Variants in DENND2B observed in about 807,000 individuals in gnomAD.
The protein encoded by DENND2B is DENN domain-containing protein 2B.
A neutral mutation model predicts 116.0 loss-of-function variants in DENND2B; 32 were observed. The observed-to-expected ratio is 0.28, with a 90% CI of 0.21 to 0.37. DENND2B has a LOEUF of 0.37. Among genes scored for constraint, DENND2B ranks in the 10% least tolerant of loss-of-function variants. DENND2B has a pLI of 1.00. For synonymous variants in DENND2B, 588 were observed against 583.9 expected (o/e 1.01, Z -0.10); for missense variants, 1,276 against 1,477.7 (o/e 0.86, Z 2.24).
intron 13 of DENND2B, among the ~76,000 whole-genome samples, chr11:8,704,426 C>T (rs1198312575): frequency 6.6e-6 from 1 of 152,220 alleles, no homozygotes; most frequent in African/African-American, 2.4e-5. Flanking sequence ...AGGGCCAGAC[C>T]ATGAAGAGCT....
chr11:8,772,656 T>C (rs2057093420), intron 1 of DENND2B, among the ~76,000 whole-genome samples: 1 of 151,980 alleles, frequency 6.6e-6, no homozygotes, highest in Non-Finnish European at 1.5e-5. Context: ...AGAAATTAGA[T>C]ATGGGATGGT....
At chr11:8,714,793 C>T in intron 6 of DENND2B, 87 bp from the exon 7 acceptor site, 1 of 1,136,574 alleles carries the variant, frequency 8.8e-7, no homozygotes, top group Non-Finnish European at 1.3e-6. Context: ...CATCCCTGCC[C>T]TTAATGGTAC....
At chr11:8,770,463 G>A (rs1253121015) in intron 1 of DENND2B, among the ~76,000 whole-genome samples, 2 of 152,138 alleles carry the variant, frequency 1.3e-5, no homozygotes, top group Non-Finnish European at 2.9e-5. Context: ...CATATGTAAA[G>A]TGCCTGGAAT....
chr11:8,878,600 G>A (rs1594332085), intron 2 of DENND2B, among the ~76,000 whole-genome samples: 2 of 152,258 alleles, frequency 1.3e-5, no homozygotes, highest in African/African-American at 4.8e-5. Context: ...TGTTGGCCAA[G>A]CTGGTCTTGA....
At chr11:8,851,785 G>A (rs1191157622) in intron 3 of DENND2B, among the ~76,000 whole-genome samples, 1 of 152,088 alleles carries the variant, frequency 6.6e-6, no homozygotes, top group East Asian at 1.9e-4. Context: ...AGTATTTTGT[G>A]AATATTTTTT....
At chr11:8,713,906 G>C (rs1317814250) in intron 8 of DENND2B, 92 bp downstream of exon 8, 1 of 1,411,016 alleles carries the variant, frequency 7.1e-7, no homozygotes, top group Non-Finnish European at 1.0e-6. Flanking sequence ...GGCCGGTTAG[G>C]GACACTGGAA....
chr11:8,734,813 A>G (rs1305185274), intron 2 of DENND2B, among the ~76,000 whole-genome samples: 1 of 145,056 alleles, frequency 6.9e-6, no homozygotes, highest in Non-Finnish European at 1.5e-5. Flanking sequence ...AAAAAAAAAG[A>G]AAGATCACAT....
chr11:8,744,027 G>A (rs1343501694), intron 2 of DENND2B, among the ~76,000 whole-genome samples: 1 of 152,000 alleles, frequency 6.6e-6, no homozygotes, highest in Non-Finnish European at 1.5e-5. Context: ...TGCATTACAG[G>A]TATGAGCTAC....
intron 1 of DENND2B, chr11:8,774,038 C>G (rs2057300161): frequency 1.1e-6 from 1 of 921,808 alleles, no homozygotes; most frequent in Admixed American, 6.2e-5. Flanking sequence ...CTTCAGTTTT[C>G]TCATCTGTAA....
At chr11:8,721,993 A>G (rs1176971552) in intron 4 of DENND2B, among the ~76,000 whole-genome samples, 1 of 152,242 alleles carries the variant, frequency 6.6e-6, no homozygotes, top group Non-Finnish European at 1.5e-5. Context: ...CCTTGGGTGC[A>G]TTTTTAAGTG....
Position 8,849,490 on chromosome 11 carries a change from C to CA in DENND2B, c.-156+7852dup, listed in dbSNP as rs35966963. ...CCTGGGCGACAGAGCTAGACTGTCT[C>CA]AAAAAAAAAAAAAAAAAAAAAAACA... On this transcript the variant is annotated intron_variant, in intron 3 of 6. Coordinates refer to the DENND2B transcript ENST00000524757. Among the ~76,000 whole-genome samples the CA allele has an allele frequency of 2.6e-3, 166 of 63,478 alleles. 1 individual carries two copies. The highest frequency in any genetic ancestry group is 8.0e-3 in the African/African-American group (136 of 16,988). The allele number at this position is 63,478 out of a possible 152,430, so 41.6% of individuals were successfully genotyped here. A position where few individuals can be genotyped will look rare whatever the true frequency, so the allele number is the denominator to read the frequency against.
chr11:8,715,969 T>C (rs1198182736), intron 5 of DENND2B, 151 bp from the exon 6 acceptor site: 5 of 667,060 alleles, frequency 7.5e-6, no homozygotes, highest in African/African-American at 3.7e-5. Context: ...CTTAAGACTT[T>C]AGCTGCTAAT....
chr11:8,852,559 G>T (rs941028230), intron 3 of DENND2B, among the ~76,000 whole-genome samples: 1 of 152,208 alleles, frequency 6.6e-6, no homozygotes, highest in African/African-American at 2.4e-5. Flanking sequence ...TACTGTCTGG[G>T]AAGAGGCATC....
Position 8,904,906 on chromosome 11 carries a change from C to A in DENND2B, c.-256+5915G>T, listed in dbSNP as rs187585604. ...ATATTAGTAAAAAAAATAAAGAAAA[C>A]TGAAATAAATGGACAGACATTCCAT... On this transcript the variant is annotated intron_variant, in intron 1 of 22. Coordinates refer to the DENND2B transcript ENST00000534127. Among the ~76,000 whole-genome samples, 334 of 152,026 alleles carry A rather than the reference C, an allele frequency of 2.2e-3. 1 individual carries two copies. The highest frequency in any genetic ancestry group is 2.2e-3 in the Non-Finnish European group (152 of 67,926).
intron 3 of DENND2B, among the ~76,000 whole-genome samples, chr11:8,848,934 C>G (rs1281448916): frequency 6.6e-6 from 1 of 151,472 alleles, no homozygotes; most frequent in Non-Finnish European, 1.5e-5. Flanking sequence ...CAGGGTTTAT[C>G]CAGGGAAATA....
At chr11:8,891,327 A>G (rs950701937) in intron 1 of DENND2B, among the ~76,000 whole-genome samples, 5 of 152,258 alleles carry the variant, frequency 3.3e-5, no homozygotes, top group African/African-American at 1.2e-4. Flanking sequence ...AGGAAACTGC[A>G]TCAACTAACA....
At chr11:8,897,349 A>C (rs1320680250) in intron 1 of DENND2B, among the ~76,000 whole-genome samples, 3 of 152,174 alleles carry the variant, frequency 2.0e-5, no homozygotes, top group African/African-American at 7.2e-5. Flanking sequence ...CTTGGTAAGA[A>C]AAATATGAAT....
chr11:8,811,049 G>T, upstream of DENND2B: 1 of 373,176 alleles, frequency 2.7e-6, no homozygotes. Context: ...TAACTTGGAA[G>T]AATCCCTGCC....
intron 4 of DENND2B, among the ~76,000 whole-genome samples, chr11:8,831,262 G>A (rs1389376736): frequency 6.6e-6 from 1 of 152,192 alleles, no homozygotes; most frequent in Non-Finnish European, 1.5e-5. Flanking sequence ...GGGGAGGATT[G>A]TCAGGAGATC....
Sources: gnomAD v4.1 joint callset for allele counts (sites outside exome capture counted in the v4.1 genomes callset) on GRCh38, gnomAD v4.1.1 for gene constraint, MANE v1.5 for transcripts, NCBI Gene and HGNC (gene_info 2026-07-23, HGNC 2026-07-21) for gene names.